MYOCD: variants seen among roughly 807,000 people sequenced by gnomAD.
The protein encoded by MYOCD is myocardin.
Under a neutral mutation model 96.1 loss-of-function variants are expected in MYOCD, and 32 were observed. That is an observed-to-expected ratio of 0.33 (90% CI 0.25 to 0.45). The LOEUF (loss-of-function observed/expected upper bound fraction) is 0.45. Ranked by LOEUF, MYOCD falls within the 20% of genes least tolerant of loss-of-function variation. MYOCD has a pLI of 1.00. For missense variants in MYOCD, 1,133 were observed against 1,200.6 expected (o/e 0.94, Z 0.83); for synonymous variants, 469 against 469.0 (o/e 1.00, Z 0.00).
intron 6 of MYOCD, among the ~76,000 whole-genome samples, chr17:12,737,828 C>T (rs932803030): frequency 2.6e-5 from 4 of 152,170 alleles, no homozygotes; most frequent in African/African-American, 9.7e-5. Context: ...CCTATCTTCA[C>T]CCCATCAGAG....
intron 1 of MYOCD, among the ~76,000 whole-genome samples, chr17:12,672,637 C>T (rs1031954780): frequency 1.3e-5 from 2 of 152,144 alleles, no homozygotes; most frequent in African/African-American, 2.4e-5. Flanking sequence ...TTCTTTTCTC[C>T]TGCTGGTGAG....
At chr17:12,745,041 A>G (rs1262355205) in intron 8 of MYOCD, among the ~76,000 whole-genome samples, 4 of 152,186 alleles carry the variant, frequency 2.6e-5, no homozygotes, top group African/African-American at 9.6e-5. Flanking sequence ...GACTATGGAA[A>G]GTCTAAGAAT....
intron 4 of MYOCD, among the ~76,000 whole-genome samples, chr17:12,718,330 A>T (rs1234958436): frequency 6.6e-6 from 1 of 152,130 alleles, no homozygotes; most frequent in East Asian, 1.9e-4. Flanking sequence ...ATCAGAATGG[A>T]CAGGGGAGGA....
chr17:12,686,605 C>T (rs1350876004), intron 1 of MYOCD, among the ~76,000 whole-genome samples: 1 of 152,174 alleles, frequency 6.6e-6, no homozygotes, highest in South Asian at 2.1e-4. Context: ...ATCGTATCTG[C>T]AAAACATGGA....
intron 5 of MYOCD, among the ~76,000 whole-genome samples, chr17:12,731,191 C>T (rs1333130257): frequency 6.6e-6 from 1 of 152,192 alleles, no homozygotes; most frequent in Non-Finnish European, 1.5e-5. Flanking sequence ...AGCGGAGGCC[C>T]AGGGTCACAC....
intron 3 of MYOCD, among the ~76,000 whole-genome samples, chr17:12,716,137 C>T (rs1317187486): frequency 2.6e-5 from 4 of 152,114 alleles, no homozygotes; most frequent in Admixed American, 1.3e-4. Flanking sequence ...TACTATTTAG[C>T]AAGTATCAAC....
At chr17:12,689,485 C>A (rs1391884243) in intron 1 of MYOCD, among the ~76,000 whole-genome samples, 1 of 152,090 alleles carries the variant, frequency 6.6e-6, no homozygotes, top group East Asian at 1.9e-4. Flanking sequence ...ATATGACAAA[C>A]AATATATCTA....
At chr17:12,666,764 A>G (rs1426821509) in intron 1 of MYOCD, among the ~76,000 whole-genome samples, 1 of 152,184 alleles carries the variant, frequency 6.6e-6, no homozygotes, top group African/African-American at 2.4e-5. Flanking sequence ...TAGAAAAAAA[A>G]AGAAAGCCCA....
At chr17:12,711,736 T>G (rs1017476422) in intron 2 of MYOCD, among the ~76,000 whole-genome samples, 2 of 152,046 alleles carry the variant, frequency 1.3e-5, no homozygotes, top group African/African-American at 4.8e-5. Flanking sequence ...GCTCCATTTT[T>G]GAAGTCCTAG....
rs2032519514 is a variant in MYOCD, at chr17:12,741,750, C to A, written c.717+2422C>A. Among the ~76,000 whole-genome samples, 3 of 151,690 alleles carry A rather than the reference C, an allele frequency of 2.0e-5. No homozygotes were observed. The South Asian group carries it at 6.2e-4, about 32-fold the overall frequency. ...AAAAAATTAGCAAAGCCTTCAACCT[C>A]ACTGTAGTAGAAAGTATGATAGAAG... On this transcript the variant is annotated intron_variant, in intron 7 of 13. Transcript: ENST00000425538.
chr17:12,694,604 G>A (rs1156286917), intron 1 of MYOCD, among the ~76,000 whole-genome samples: 1 of 152,096 alleles, frequency 6.6e-6, no homozygotes, highest in East Asian at 1.9e-4. Flanking sequence ...CATGTGATAG[G>A]AGCAACAAGG....
chr17:12,758,203 C>T lies in MYOCD; in HGVS notation c.2321C>T (p.Ala774Val). Residue 774 changes from alanine (A) to valine (V), a missense_variant, in exon 12 of 14, where the codon GCC (alanine) becomes GTC (valine). By Grantham distance (64) the Ala-to-Val change is moderately conservative. Coordinates refer to ENST00000425538, the MANE Select transcript of MYOCD (RefSeq NM_001146312.3). ...ACACAGCCTCCATCCTATGAAGATG[C>T]CGTAAAGCAGGTAACCATGTGATTT... is the stretch of plus-strand genomic sequence containing the variant. The part of the protein sequence containing the change: ...EVTQPPSYED[A>V]VKQQMTRSQQ... The T allele has an allele frequency of 6.2e-7, 1 of 1,613,912 alleles. No individual in the cohort carries two copies. The highest frequency in any genetic ancestry group is 8.5e-7 in the Non-Finnish European group (1 of 1,179,802).
chr17:12,761,076 G>A (rs1305836563), intron 13 of MYOCD: 1 of 178,408 alleles, frequency 5.6e-6, no homozygotes, highest in African/African-American at 2.3e-5. Flanking sequence ...TGAACATTTT[G>A]TGCTACCTAC....
intron 7 of MYOCD, among the ~76,000 whole-genome samples, chr17:12,742,011 T>C (rs1448159079): frequency 6.6e-6 from 1 of 151,842 alleles, no homozygotes; most frequent in Non-Finnish European, 1.5e-5. Context: ...TAAGGCAACA[T>C]AGAGAAAAAA....
rs564870818 is a variant in MYOCD, at chr17:12,679,106, C to T, written c.55+12863C>T. On this transcript the variant is annotated intron_variant, in intron 1 of 13. Coordinates refer to ENST00000425538, the MANE Select transcript of MYOCD (RefSeq NM_001146312.3). ...TACCACATGGTCCCCCAGAGAAATGCGCAGCCCAAGGGAACATGGTCTTTT... is the reference window on the plus strand; with the variant it reads ...TACCACATGGTCCCCCAGAGAAATGTGCAGCCCAAGGGAACATGGTCTTTT... Among the ~76,000 whole-genome samples, 27 of 152,292 alleles carry T rather than the reference C, an allele frequency of 1.8e-4. No individual in the cohort carries two copies. The South Asian group carries it at 2.9e-3, about 16-fold the overall frequency.
At chr17:12,750,458 G>A (rs998856029) in intron 9 of MYOCD, among the ~76,000 whole-genome samples, 4 of 152,162 alleles carry the variant, frequency 2.6e-5, no homozygotes, top group African/African-American at 9.7e-5. Context: ...GGAGGCTGAG[G>A]TGAGTGGATC....
In MYOCD at chr17:12,666,222, A is replaced by T; in HGVS notation, c.34A>T (p.Ile12Phe). Residue 12 changes from isoleucine (I) to phenylalanine (F), a missense_variant, in exon 1 of 14, where the codon ATT becomes TTT. Physicochemically the swap from Ile to Phe is conservative, Grantham distance 21. Transcript: ENST00000425538. ...CCTGGGGTCTGAGCATTCCTTGCTGATTAGGAGCAAGTTCAGATCAGGTAG... is the reference window on the plus strand; with the variant it reads ...CCTGGGGTCTGAGCATTCCTTGCTGTTTAGGAGCAAGTTCAGATCAGGTAG... ...TLLGSEHSLL[I>F]RSKFRSVLQL... is the part of the protein sequence containing the mutation. The T allele has an allele frequency of 1.2e-6, 2 of 1,613,558 alleles. No homozygotes were observed. The highest frequency in any genetic ancestry group is 1.7e-6 in the Non-Finnish European group (2 of 1,179,520).
intron 10 of MYOCD, among the ~76,000 whole-genome samples, chr17:12,756,175 A>G (rs2033006032): frequency 6.6e-6 from 1 of 152,038 alleles, no homozygotes; most frequent in African/African-American, 2.4e-5. Context: ...AGTCTTGAAC[A>G]CCCATCCGGT....
intron 4 of MYOCD, among the ~76,000 whole-genome samples, chr17:12,719,853 G>A (rs946135086): frequency 2.8e-5 from 4 of 140,674 alleles, no homozygotes; most frequent in African/African-American, 1.0e-4. Flanking sequence ...GGTGACAAGA[G>A]CGAGACTCAG....
Sources: gnomAD v4.1 joint callset for allele counts (sites outside exome capture counted in the v4.1 genomes callset) on GRCh38, gnomAD v4.1.1 for gene constraint, MANE v1.5 for transcripts, NCBI Gene and HGNC (gene_info 2026-07-23, HGNC 2026-07-21) for gene names.